The following LRRK2 variants were observed in gnomAD, a reference collection of about 807,000 sequenced individuals.
LRRK2 encodes the protein leucine rich repeat kinase 2.
In LRRK2, 203 loss-of-function variants were observed where a neutral mutation model predicts 302.6. The observed-to-expected ratio is 0.67, with a 90% confidence interval of 0.60 to 0.75. The LOEUF (loss-of-function observed/expected upper bound fraction) is 0.75, where lower values mean the gene tolerates loss of function less well. Ranked by LOEUF, LRRK2 falls within the 30% of genes least tolerant of loss-of-function variation. The pLI is 0.00. For missense variants in LRRK2, 2,830 were observed against 2,951.0 expected (o/e 0.96, Z 0.95); for synonymous variants, 1,066 against 1,031.9 (o/e 1.03, Z -0.63).
intron 7 of LRRK2, among the ~76,000 whole-genome samples, chr12:40,248,425 T>C (rs922943002): frequency 2.0e-5 from 3 of 152,144 alleles, no homozygotes; most frequent in Non-Finnish European, 4.4e-5. Context: ...ATTCTGTAAC[T>C]TTTTTTGAAA....
chr12:40,275,952 G>A (rs913295403), intron 16 of LRRK2, among the ~76,000 whole-genome samples: 1 of 151,966 alleles, frequency 6.6e-6, no homozygotes, highest in African/African-American at 2.4e-5. Context: ...CATTGACCAG[G>A]AATAAAAATA....
Position 40,309,216 on chromosome 12 carries a change from T to C in LRRK2, c.4300T>C (p.Trp1434Arg). The C allele has an allele frequency of 6.2e-7, 1 of 1,613,816 alleles. No individual in the cohort carries two copies. The highest frequency in any genetic ancestry group is 8.5e-7 in the Non-Finnish European group (1 of 1,179,890). Residue 1434 changes from tryptophan to arginine, a missense_variant, in exon 30 of 51, where the codon TGG becomes CGG. Coordinates refer to ENST00000298910, the MANE Select transcript of LRRK2 (RefSeq NM_198578.4). ...GGCTGAAGTTGATGCCATGAAGCCT[T>C]GGCTCTTCAATATAAAGGTGATTTG... ...GQAEVDAMKP[W>R]LFNIKARASS...
At chr12:40,364,289 T>TA (rs137858615) in intron 48 of LRRK2, among the ~76,000 whole-genome samples, 20,905 of 151,904 alleles carry the variant, frequency 0.14, 1,600 homozygotes, top group African/African-American at 0.2. Flanking sequence ...CAGTTTATGT[T>TA]CAGAAGGGCC....
chr12:40,276,321 A>G (rs1943449600), intron 16 of LRRK2, among the ~76,000 whole-genome samples: 1 of 152,036 alleles, frequency 6.6e-6, no homozygotes, highest in Non-Finnish European at 1.5e-5. Context: ...TTTGAGACAG[A>G]GTCTCACTCT....
chr12:40,227,560 T>C (rs1940959852), intron 2 of LRRK2, among the ~76,000 whole-genome samples: 1 of 152,244 alleles, frequency 6.6e-6, no homozygotes, highest in Non-Finnish European at 1.5e-5. Flanking sequence ...TGCAATATTT[T>C]ATTTCTGTAC....
intron 5 of LRRK2, among the ~76,000 whole-genome samples, chr12:40,239,108 G>A (rs894784006): frequency 1.3e-5 from 2 of 152,162 alleles, no homozygotes; most frequent in Admixed American, 6.6e-5. Context: ...CTATTATTCA[G>A]GAGAAGCAAT....
chr12:40,367,371 C>T, intron 50 of LRRK2: 1 of 407,384 alleles, frequency 2.5e-6, no homozygotes, highest in Non-Finnish European at 4.3e-6. Flanking sequence ...TAATTTTGAA[C>T]AGTGTTTGAA....
intron 29 of LRRK2, 128 bp downstream of exon 29, chr12:40,308,824 C>T: frequency 1.0e-6 from 1 of 965,006 alleles, no homozygotes; most frequent in South Asian, 1.5e-5. Flanking sequence ...CAAAGCCCTT[C>T]ATTTCTCCTA....
At chr12:40,241,009 A>G (rs1941695453) in intron 6 of LRRK2, among the ~76,000 whole-genome samples, 1 of 152,208 alleles carries the variant, frequency 6.6e-6, no homozygotes, top group Non-Finnish European at 1.5e-5. Context: ...CTGTGCATGA[A>G]GGTGTGACCT....
chr12:40,300,849 T>A (rs1206682672), intron 25 of LRRK2: 1 of 471,170 alleles, frequency 2.1e-6, no homozygotes, highest in Non-Finnish European at 4.4e-6. Context: ...GGGAATCTGA[T>A]TCAGACTGTG....
chr12:40,264,251 T>C (rs146794882), intron 14 of LRRK2, among the ~76,000 whole-genome samples: 3,194 of 152,332 alleles, frequency 0.021, 44 homozygotes, highest in Non-Finnish European at 0.035. Context: ...TTTCTCTTTC[T>C]GTCCTCTGGC....
At chr12:40,259,692 T>C in intron 13 of LRRK2, 88 bp downstream of exon 13, 1 of 1,511,258 alleles carries the variant, frequency 6.6e-7, no homozygotes, top group East Asian at 2.3e-5. Flanking sequence ...AGGCAAATAT[T>C]AAAAGACTAG....
At chr12:40,243,712 A>C in intron 7 of LRRK2, 31 bp downstream of exon 7, 1 of 1,594,062 alleles carries the variant, frequency 6.3e-7, no homozygotes, top group East Asian at 2.3e-5. Flanking sequence ...GTCATCACAC[A>C]CTGTATGATA....
intron 44 of LRRK2, 93 bp from the exon 45 acceptor site, chr12:40,354,206 G>T: frequency 9.5e-7 from 1 of 1,051,276 alleles, no homozygotes; most frequent in Non-Finnish European, 1.4e-6. Context: ...AGCAAAAAGA[G>T]TTATGTTGAT....
rs189572909 is a variant in LRRK2 at position 40,314,863 on chromosome 12, T to G, written c.4739-349T>G. Among the ~76,000 whole-genome samples the G allele has an allele frequency of 2.5e-3, 374 of 152,184 alleles. 2 individuals carry two copies. The highest frequency in any genetic ancestry group is 6.8e-3 in the Middle Eastern group (2 of 294). On this transcript the variant is annotated intron_variant, in intron 32 of 50. Transcript: ENST00000298910. The stretch of plus-strand genomic sequence containing the variant: ...ATCGTTCTTAAGGTATGCTGAGATA[T>G]GCTGTGTTTCTTATCTGTATTTGAA...
rs376336536 is a variant in LRRK2, at chr12:40,277,546, C to A, written c.1942-342C>A. 2.7e-4 allele frequency among the ~76,000 whole-genome samples: 41 copies of A among 152,260 alleles called. 3 individuals are homozygous for A. The South Asian group carries it at 8.3e-3, about 31-fold the overall frequency. On this transcript the variant is annotated intron_variant, in intron 16 of 50. Transcript: ENST00000298910. ...TGGATGTGTAGTTCTGCTGATCCAA[C>A]CGCTTTAATCCTGTTTAATATCTGG...
chr12:40,314,174 G>T lies in LRRK2; in HGVS notation c.4738+1G>T. ...GCAGTTCACTTTCTAAATGAATCAG[G>T]TTTGTGTTTTTCGTTCCTTATTTTC... is the stretch of plus-strand genomic sequence containing the variant. On this transcript the variant is annotated splice_donor_variant, in intron 32 of 50. Coordinates refer to ENST00000298910, the MANE Select transcript of LRRK2 (RefSeq NM_198578.4). LOFTEE classifies it high-confidence loss of function. The T allele has an allele frequency of 6.2e-7, 1 of 1,611,966 alleles. No individual in the cohort carries two copies. The highest frequency in any genetic ancestry group is 8.5e-7 in the Non-Finnish European group (1 of 1,178,536).
At chr12:40,264,776 T>A (rs372228510) in intron 14 of LRRK2, among the ~76,000 whole-genome samples, 1 of 152,234 alleles carries the variant, frequency 6.6e-6, no homozygotes, top group Non-Finnish European at 1.5e-5. Flanking sequence ...TACATTATAA[T>A]TAAAGTATCC....
At chr12:40,239,594 T>C (rs890290462) in intron 5 of LRRK2, among the ~76,000 whole-genome samples, 9 of 152,144 alleles carry the variant, frequency 5.9e-5, no homozygotes, top group African/African-American at 2.2e-4. Context: ...TGACTATAAA[T>C]GTAGAGTAGA....
Sources: gnomAD v4.1 joint callset for allele counts (sites outside exome capture counted in the v4.1 genomes callset) on GRCh38, gnomAD v4.1.1 for gene constraint, MANE v1.5 for transcripts, NCBI Gene and HGNC (gene_info 2026-07-23, HGNC 2026-07-21) for gene names.